TENM1: variants seen among roughly 807,000 people sequenced by gnomAD.
TENM1 encodes teneurin-1.
In TENM1, 35 loss-of-function variants were observed where a neutral mutation model predicts 174.8. The observed-to-expected ratio is 0.20, with a 90% confidence interval of 0.15 to 0.27. The LOEUF (loss-of-function observed/expected upper bound fraction) is 0.27. TENM1 is among the 10% of genes least tolerant of loss of function. The probability of loss-of-function intolerance (pLI) is 1.00; values close to 1 mark genes in which losing one functional copy is unlikely to be tolerated. For missense variants in TENM1, 1,633 were observed against 2,130.1 expected, an observed-to-expected ratio of 0.77 and a Z score of 4.59; for synonymous variants, 781 against 798.7, an observed-to-expected ratio of 0.98 and a Z score of 0.37.
At chrX:125,172,624 T>G in the TENM1 span, among the ~76,000 whole-genome samples, 1 of 111,319 alleles carries the variant, frequency 9.0e-6, no homozygotes, top group Non-Finnish European at 1.9e-5. Flanking sequence ...ATCTACTGCA[T>G]TTGAAAAACA....
chrX:124,889,573 A>G (rs1461195469), intron 3 of TENM1, among the ~76,000 whole-genome samples: 1 of 110,797 alleles, frequency 9.0e-6, no homozygotes, highest in Non-Finnish European at 1.9e-5. Context: ...TGGTATAGCC[A>G]CACTCTTGCC....
intron 11 of TENM1, among the ~76,000 whole-genome samples, chrX:124,591,085 A>C (rs774516942): frequency 2.7e-4 from 30 of 111,633 alleles, no homozygotes; most frequent in Non-Finnish European, 4.9e-4. Context: ...TGCATGGTAG[A>C]TCTTTCTCCA....
intron 5 of TENM1, among the ~76,000 whole-genome samples, chrX:124,687,023 G>A (rs558106204): frequency 9.0e-5 from 10 of 111,483 alleles, no homozygotes; most frequent in East Asian, 5.6e-4. Context: ...AAACCTCATC[G>A]TCTCAGCCCC....
intron 11 of TENM1, among the ~76,000 whole-genome samples, chrX:124,619,768 C>T (rs1006396175): frequency 8.9e-6 from 1 of 111,932 alleles, no homozygotes; most frequent in Non-Finnish European, 1.9e-5. Context: ...ACTAGTGAAT[C>T]GAGCATCTTT....
chrX:124,845,674 C>A (rs2056593001), intron 3 of TENM1, among the ~76,000 whole-genome samples: 1 of 110,501 alleles, frequency 9.0e-6, no homozygotes, highest in Admixed American at 9.7e-5. Flanking sequence ...ATATATAGGA[C>A]CTTAGAGCAA....
At chrX:124,938,278 T>A (rs1171415123) in intron 1 of TENM1, among the ~76,000 whole-genome samples, 2 of 112,000 alleles carry the variant, frequency 1.8e-5, no homozygotes, top group African/African-American at 6.5e-5. Flanking sequence ...CAATTGAAGT[T>A]CAAATTATAA....
chrX:124,624,582 TTAGG>T (rs1275813051), intron 11 of TENM1, among the ~76,000 whole-genome samples: 1 of 110,971 alleles, frequency 9.0e-6, no homozygotes, highest in Admixed American at 9.6e-5. Flanking sequence ...CTTCAAGAGG[TTAGG>T]TAATTTGGTT....
chrX:125,103,607 C>T, the TENM1 span, among the ~76,000 whole-genome samples: 1 of 112,417 alleles, frequency 8.9e-6, no homozygotes, highest in African/African-American at 3.2e-5. Flanking sequence ...AAGGAAGATT[C>T]ATATAAAGAT....
At chrX:124,818,342 T>A (rs901610958) in intron 3 of TENM1, among the ~76,000 whole-genome samples, 4 of 112,066 alleles carry the variant, frequency 3.6e-5, no homozygotes, top group Non-Finnish European at 5.6e-5. Flanking sequence ...TGCTATGTGC[T>A]GGAGATAGAG....
the TENM1 span, among the ~76,000 whole-genome samples, chrX:125,098,815 T>C: frequency 3.6e-5 from 4 of 111,937 alleles, no homozygotes; most frequent in Non-Finnish European, 7.5e-5. Context: ...GATTAGGGAC[T>C]AAAAACTAGT....
At position 124,852,771 on chromosome X, in the gene TENM1, G is replaced by A. The variant is rs772305861; in HGVS notation, c.535+41525C>T. Among the ~76,000 whole-genome samples the A allele has an allele frequency of 5.4e-5, 6 of 111,672 alleles. No individual in the cohort carries two copies. In the East Asian group the frequency reaches 1.4e-3, roughly 26 times the overall value. On this transcript the variant is annotated intron_variant, in intron 3 of 31. Coordinates refer to ENST00000422452, the Ensembl canonical transcript of TENM1. ...AAAGAGTGCAAGGAAGAAAAGGTCC[G>A]AGGACAGATATCTGGTGAACACTGA...
intron 11 of TENM1, among the ~76,000 whole-genome samples, chrX:124,604,303 A>G (rs1315565789): frequency 9.0e-6 from 1 of 111,522 alleles, no homozygotes; most frequent in Non-Finnish European, 1.9e-5. Context: ...AGAAGCTAAC[A>G]ACGACATAAA....
chrX:124,479,256 G>A lies in TENM1; in HGVS notation c.3949+2476C>T, dbSNP rs184738573. 3.7e-3 allele frequency among the ~76,000 whole-genome samples: 415 copies of A among 112,210 alleles called. 5 individuals are homozygous for A. The highest frequency in any genetic ancestry group is 3.5e-3 in the Admixed American group (37 of 10,603). On this transcript the variant is annotated intron_variant, in intron 22 of 31. Transcript: ENST00000422452. ...TTTAAGCATTCTAGTTCACTCACTG[G>A]ATCAAAGCAGATGTTGACAACACCA...
the TENM1 span, among the ~76,000 whole-genome samples, chrX:125,030,370 A>G: frequency 8.9e-6 from 1 of 112,319 alleles, no homozygotes; most frequent in Non-Finnish European, 1.9e-5. Context: ...TTGGCCTACC[A>G]AAAACAATCA....
At chrX:125,061,405 A>C in the TENM1 span, among the ~76,000 whole-genome samples, 1 of 112,008 alleles carries the variant, frequency 8.9e-6, no homozygotes, top group Non-Finnish European at 1.9e-5. Flanking sequence ...TTTGTCACTT[A>C]ATTCCACAAG....
the TENM1 span, among the ~76,000 whole-genome samples, chrX:125,076,686 T>G: frequency 0.032 from 3,608 of 111,772 alleles, 147 homozygotes; most frequent in African/African-American, 0.11. Flanking sequence ...CTTCTCTATA[T>G]GTTTACTAGA....
intron 25 of TENM1, among the ~76,000 whole-genome samples, chrX:124,417,812 C>T (rs1276308318): frequency 8.9e-6 from 1 of 111,915 alleles, no homozygotes; most frequent in Non-Finnish European, 1.9e-5. Context: ...GTATAGTCTT[C>T]CCCTCTTGGT....
At chrX:124,428,865 A>G (rs2060746983) in intron 23 of TENM1, among the ~76,000 whole-genome samples, 1 of 111,742 alleles carries the variant, frequency 8.9e-6, no homozygotes, top group South Asian at 3.8e-4. Flanking sequence ...TCACCCCTAC[A>G]TCACCTGCAC....
At chrX:125,131,073 A>G in the TENM1 span, among the ~76,000 whole-genome samples, 5 of 112,068 alleles carry the variant, frequency 4.5e-5, no homozygotes, top group African/African-American at 1.6e-4. Flanking sequence ...ATAGGAATAA[A>G]GTATTTTATT....
Sources: gnomAD v4.1 joint callset for allele counts (sites outside exome capture counted in the v4.1 genomes callset) on GRCh38, gnomAD v4.1.1 for gene constraint, MANE v1.5 for transcripts, NCBI Gene and HGNC (gene_info 2026-07-23, HGNC 2026-07-21) for gene names.